The following MYT1 variants were observed in gnomAD, a reference collection of about 807,000 sequenced individuals.
MYT1 encodes myelin transcription factor I.
Under a neutral mutation model 123.0 loss-of-function variants are expected in MYT1, and 23 were observed. That is an observed-to-expected ratio of 0.19 (90% CI 0.13 to 0.26). The LOEUF (loss-of-function observed/expected upper bound fraction) is 0.26. MYT1 is among the 10% of genes least tolerant of loss of function. The probability of loss-of-function intolerance (pLI) is 1.00; values close to 1 mark genes in which losing one functional copy is unlikely to be tolerated. For synonymous variants in MYT1, 518 were observed against 575.3 expected (o/e 0.90, Z 1.43); for missense variants, 1,125 against 1,472.5 (o/e 0.76, Z 3.86).
In MYT1 at chr20:64,208,024, A is replaced by AGAGGAAGAGGAAGAGGAG. The variant is rs1568710848; in HGVS notation, c.852_869dup (p.Glu301_Glu306dup). ...AAGAGGAGGAGGAGGAGGATGAAGA[A>AGAGGAAGAGGAAGAGGAG]GAGGAAGAGGAAGAGGAGGAGGAAG... On this transcript the variant is annotated inframe_insertion, in exon 7 of 23. Transcript: ENST00000328439. This position sits in a 1 kb window ranked among gnomAD's most constrained non-coding sequence, Gnocchi z 5.4. The AGAGGAAGAGGAAGAGGAG allele has an allele frequency of 2.0e-4, 324 of 1,585,014 alleles. No homozygotes were observed. The African/African-American group carries it at 3.3e-3, about 16-fold the overall frequency.
At chr20:64,214,289 G>C (rs528167812) in intron 10 of MYT1, among the ~76,000 whole-genome samples, 1 of 151,908 alleles carries the variant, frequency 6.6e-6, no homozygotes, top group Non-Finnish European at 1.5e-5. Flanking sequence ...GTGCGTGCAA[G>C]TCCATGTGTA....
At chr20:64,227,388 C>A (rs1984197227) in intron 16 of MYT1, 27 bp from the exon 17 acceptor site, 2 of 1,610,754 alleles carry the variant, frequency 1.2e-6, no homozygotes, top group Non-Finnish European at 1.7e-6. Context: ...TCACGGGCTC[C>A]CGTTCCAGTT....
intron 2 of MYT1, among the ~76,000 whole-genome samples, chr20:64,197,239 C>T (rs1256587178): frequency 1.3e-5 from 2 of 152,226 alleles, no homozygotes; most frequent in East Asian, 3.9e-4. Context: ...TAACAAATCA[C>T]ATACATCATT....
At chr20:64,222,073 C>T in intron 14 of MYT1, 26 bp downstream of exon 14, 1 of 1,611,062 alleles carries the variant, frequency 6.2e-7, no homozygotes, top group South Asian at 1.1e-5. Context: ...GCTGGCACAG[C>T]TCCTAGGGGA....
chr20:64,223,206 G>A, intron 15 of MYT1, 33 bp downstream of exon 15: 1 of 1,614,076 alleles, frequency 6.2e-7, no homozygotes, highest in Non-Finnish European at 8.5e-7. Flanking sequence ...TCTGGCCTGG[G>A]TGCTTCGTGG....
At chr20:64,237,239 G>T (rs978309589) in intron 20 of MYT1, 48 bp from the exon 21 acceptor site, 1 of 1,537,882 alleles carries the variant, frequency 6.5e-7, no homozygotes, top group Admixed American at 1.9e-5. Context: ...CTTTGGCCCA[G>T]GCCTGCCTGA....
At chr20:64,227,157 C>T (rs967741724) in intron 16 of MYT1, among the ~76,000 whole-genome samples, 1 of 152,240 alleles carries the variant, frequency 6.6e-6, no homozygotes, top group Admixed American at 6.5e-5. Context: ...GTTGGCTGCT[C>T]TCCTCTCAGA....
At chr20:64,198,304 A>AAG (rs1454398791) in intron 2 of MYT1, among the ~76,000 whole-genome samples, 2 of 148,814 alleles carry the variant, frequency 1.3e-5, no homozygotes, top group African/African-American at 5.1e-5. Context: ...AAAAAAAAAA[A>AAG]AAAAAAAAAG....
rs1191327880 is a variant in MYT1 at position 64,235,802 on chromosome 20, GGCTGGCTGTGGTGGGT to G, written c.2898-751_2898-736del. Reference sequence around the variant, plus strand: ...GGGATGGCTGTGGTGGGTGACACTGGGCTGGCTGTGGTGGGTGACACTGGGCTGGCTGTGGTGGGTG... The same window carrying G: ...GGGATGGCTGTGGTGGGTGACACTGGGACACTGGGCTGGCTGTGGTGGGTG... On this transcript the variant is annotated intron_variant, in intron 19 of 22. Transcript: ENST00000328439. Among the ~76,000 whole-genome samples, 23 of 74,708 alleles carry G rather than the reference GGCTGGCTGTGGTGGGT, an allele frequency of 3.1e-4. 1 individual carries two copies. The highest frequency in any genetic ancestry group is 1.3e-3 in the African/African-American group (16 of 12,364). 49.0% of individuals were successfully genotyped at this position (74,708 alleles called of 152,430 possible).
intron 2 of MYT1, among the ~76,000 whole-genome samples, chr20:64,194,966 G>T (rs1218307773): frequency 6.6e-6 from 1 of 152,070 alleles, no homozygotes. Flanking sequence ...CGTGTTCTCA[G>T]CTCACCTCAA....
rs1568720417 is a variant in MYT1 at position 64,231,557 on chromosome 20, G to A, written c.2676-607G>A. On this transcript the variant is annotated intron_variant, in intron 18 of 22. Coordinates refer to ENST00000328439, the MANE Select transcript of MYT1 (RefSeq NM_004535.3). This position sits in a 1 kb window ranked among gnomAD's most constrained non-coding sequence, Gnocchi z 6.4. ...GGGTAGCGAGTCTCCCCCACATGAG[G>A]TCTGCGTTCTTCCTTCTAGAACATA... Among the ~76,000 whole-genome samples, 1 of 152,240 alleles carries A rather than the reference G, an allele frequency of 6.6e-6. No individual in the cohort carries two copies. Among genetic ancestry groups the A allele is most frequent in the East Asian group, 1.9e-4 (1 of 5,202 alleles).
At chr20:64,227,557 T>A in intron 17 of MYT1, 80 bp downstream of exon 17, 5 of 1,295,924 alleles carry the variant, frequency 3.9e-6, no homozygotes, top group Non-Finnish European at 5.4e-6. Flanking sequence ...TAGAAGACAC[T>A]AATGTTGCTG....
intron 10 of MYT1, among the ~76,000 whole-genome samples, chr20:64,214,923 G>C (rs912462266): frequency 6.6e-6 from 1 of 152,202 alleles, no homozygotes; most frequent in Non-Finnish European, 1.5e-5. Flanking sequence ...GTCTGCTCCA[G>C]AGTGTTCCTC....
intron 1 of MYT1, among the ~76,000 whole-genome samples, chr20:64,165,283 A>T (rs780958672): frequency 4.6e-5 from 7 of 152,084 alleles, no homozygotes; most frequent in Non-Finnish European, 8.8e-5. Flanking sequence ...AAGGATCAAT[A>T]TCTAGGGTGC....
intron 13 of MYT1, 57 bp from the exon 14 acceptor site, chr20:64,221,836 G>A: frequency 6.3e-7 from 1 of 1,589,122 alleles, no homozygotes; most frequent in East Asian, 2.3e-5. Flanking sequence ...CCACTGGGTT[G>A]GGCGCCCAGG....
chr20:64,238,742 C>T (rs1229227330), intron 21 of MYT1, among the ~76,000 whole-genome samples: 1 of 151,818 alleles, frequency 6.6e-6, no homozygotes, highest in Non-Finnish European at 1.5e-5. Context: ...GGGCCTTCAT[C>T]AGTGTCAGTG....
chr20:64,188,893 A>C (rs1982889090), intron 1 of MYT1, among the ~76,000 whole-genome samples: 1 of 152,252 alleles, frequency 6.6e-6, no homozygotes, highest in African/African-American at 2.4e-5. Context: ...GGAGGCACAG[A>C]GTAGGTGCAC....
intron 1 of MYT1, among the ~76,000 whole-genome samples, chr20:64,173,129 AC>A (rs1982335598): frequency 6.6e-6 from 1 of 151,450 alleles, no homozygotes; most frequent in Non-Finnish European, 1.5e-5. Context: ...TCTGTGTTCT[AC>A]CCCTTCCCAT....
At chr20:64,235,906 G>A (rs1453830807) in intron 19 of MYT1, among the ~76,000 whole-genome samples, 26 of 138,326 alleles carry the variant, frequency 1.9e-4, no homozygotes, top group East Asian at 6.9e-4. Context: ...TGGGATGGCC[G>A]CGGTGGGTGA....
Sources: gnomAD v4.1 joint callset for allele counts (sites outside exome capture counted in the v4.1 genomes callset) on GRCh38, gnomAD v4.1.1 for gene constraint, Gnocchi (gnomAD v3.1) non-coding constraint, MANE v1.5 for transcripts, NCBI Gene and HGNC (gene_info 2026-07-23, HGNC 2026-07-21) for gene names.